The following PCK1 variants were observed in gnomAD, a reference collection of about 807,000 sequenced individuals.
The protein encoded by PCK1 is phosphoenolpyruvate carboxykinase 1.
In PCK1, 44 loss-of-function variants were observed where a neutral mutation model predicts 50.3. That is an observed-to-expected ratio of 0.87 (90% CI 0.69 to 1.12). The LOEUF is 1.12. Among genes scored for constraint, PCK1 ranks in the 50% most tolerant of loss-of-function variants. PCK1 has a pLI of 0.00. For missense variants in PCK1, 790 were observed against 815.0 expected, an observed-to-expected ratio of 0.97 and a Z score of 0.37; for synonymous variants, 332 against 314.3, an observed-to-expected ratio of 1.06 and a Z score of -0.59.
rs200050361 is a variant in PCK1, at chr20:57,563,557, C to T, written c.799-8C>T. The T allele has an allele frequency of 3.2e-6, 5 of 1,579,288 alleles. No individual in the cohort carries two copies. The East Asian group carries it at 1.1e-4, about 35-fold the overall frequency. ...AAAGATCACAATAAAGAATCTTGTC[C>T]CCAACAGATTCTGGGTATAACCAAC... On this transcript the variant is annotated splice_polypyrimidine_tract_variant and splice_region_variant and intron_variant, in intron 5 of 9. Transcript: ENST00000319441.
Position 57,564,506 on chromosome 20 carries a change from C to T in PCK1, c.1211C>T (p.Ser404Leu), listed in dbSNP as rs149472972. The T allele has an allele frequency of 6.0e-5, 97 of 1,614,054 alleles. No individual in the cohort carries two copies. The highest frequency in any genetic ancestry group is 1.1e-4 in the South Asian group (10 of 91,084). ...GGGGAACCTTGTGCCCACCCCAACT[C>T]GAGGTTCTGCACCCCTGCCAGCCAG... Reference protein sequence around the residue: ...EDGEPCAHPNSRFCTPASQCP... With the variant: ...EDGEPCAHPNLRFCTPASQCP... Residue 404 changes from serine to leucine, a missense_variant, in exon 8 of 10, where the codon TCG becomes TTG. Coordinates refer to ENST00000319441, the MANE Select transcript of PCK1 (RefSeq NM_002591.4).
rs764760276 is a variant in PCK1 at position 57,564,958 on chromosome 20, G to A, written c.1319-82G>A. The A allele has an allele frequency of 4.8e-4, 478 of 1,001,838 alleles. 1 individual carries two copies. The highest frequency in any genetic ancestry group is 6.9e-4 in the Non-Finnish European group (445 of 640,834). 62.1% of individuals were successfully genotyped at this position (1,001,838 alleles called of 1,614,324 possible). A position where few individuals can be genotyped will look rare whatever the true frequency, so the allele number is the denominator to read the frequency against. ...AGTTATTGTCTTGCCGTGTCTTTCC[G>A]TGTTGTGAATAACACCACTGGTTGT... is the stretch of plus-strand genomic sequence containing the variant. On this transcript the variant is annotated intron_variant, in intron 8 of 9. Coordinates refer to ENST00000319441, the MANE Select transcript of PCK1 (RefSeq NM_002591.4).
At chr20:57,565,225 G>C in intron 9 of PCK1, 90 bp downstream of exon 9, 1 of 1,286,334 alleles carries the variant, frequency 7.8e-7, no homozygotes, top group Non-Finnish European at 1.1e-6. Context: ...CTGTGTCTGT[G>C]TGTGGGGAGA....
chr20:57,561,774 C>G, intron 2 of PCK1, 139 bp downstream of exon 2: 1 of 647,140 alleles, frequency 1.5e-6, no homozygotes, highest in East Asian at 2.7e-5. Flanking sequence ...ATGGTCAGAA[C>G]CATACAGACT....
rs2070198370 is a variant in PCK1 at position 57,565,740 on chromosome 20, C to A, written c.1805C>A (p.Ala602Asp). Reference protein sequence around the residue: ...IEKYLEDQVNADLPCEIEREI... With the variant: ...IEKYLEDQVNDDLPCEIEREI... The stretch of plus-strand genomic sequence containing the variant: ...AAGTATCTGGAGGATCAAGTCAATG[C>A]CGACCTCCCCTGTGAAATCGAGAGA... The change falls in exon 10 of 10, where the codon GCC becomes GAC. Residue 602 changes from alanine to aspartate, a missense_variant. Transcript: ENST00000319441. 1.2e-6 allele frequency: 2 copies of A among 1,613,448 alleles called. No individual in the cohort carries two copies. The highest frequency in any genetic ancestry group is 1.7e-5 in the Admixed American group (1 of 59,998).
intron 6 of PCK1, 125 bp downstream of exon 6, chr20:57,563,852 C>A: frequency 1.3e-6 from 1 of 798,280 alleles, no homozygotes; most frequent in Non-Finnish European, 2.1e-6. Context: ...CAGAGTTGGC[C>A]AAGCCTTAGA....
In PCK1 at chr20:57,566,182, TGTG is replaced by T. The variant is rs2070203898; in HGVS notation, c.*379_*381del. On this transcript the variant is annotated 3_prime_UTR_variant, in exon 10 of 10. Coordinates refer to ENST00000319441, the MANE Select transcript of PCK1 (RefSeq NM_002591.4). The stretch of plus-strand genomic sequence containing the variant: ...ATATATGTGTGTGTGTGTGTGTGTG[TGTG>T]TGTGTGTGTGTGCATGTATGTGCAC... 1 of 192,500 alleles carries T rather than the reference TGTG, an allele frequency of 5.2e-6. No homozygotes were observed. Among genetic ancestry groups the T allele is most frequent in the African/African-American group, 2.3e-5 (1 of 42,618 alleles). 11.9% of individuals were successfully genotyped at this position (192,500 alleles called of 1,614,324 possible).
intron 5 of PCK1, 143 bp from the exon 6 acceptor site, chr20:57,563,422 G>A (rs2070171518): frequency 7.2e-6 from 5 of 697,526 alleles, no homozygotes; most frequent in Non-Finnish European, 1.2e-5. Flanking sequence ...AGATCCTTTG[G>A]ACTTCATGAT....
At chr20:57,561,928 T>C (rs1021324901) in intron 2 of PCK1, 143 bp from the exon 3 acceptor site, 2 of 668,520 alleles carry the variant, frequency 3.0e-6, no homozygotes, top group South Asian at 2.0e-5. Flanking sequence ...CACCTGGCCA[T>C]GTCTTAGATG....
At chr20:57,562,661 A>AC in intron 3 of PCK1, 35 bp from the exon 4 acceptor site, 1 of 1,579,166 alleles carries the variant, frequency 6.3e-7, no homozygotes, top group Non-Finnish European at 8.7e-7. Context: ...GTCCAAGGTC[A>AC]TTTCTCACCA....
At chr20:57,565,018 C>G (rs1354341162) in intron 8 of PCK1, 22 bp from the exon 9 acceptor site, 1 of 1,552,338 alleles carries the variant, frequency 6.4e-7, no homozygotes, top group South Asian at 1.1e-5. Flanking sequence ...ATGAACATTT[C>G]TCTTTTTTTT....
chr20:57,561,386 G>A lies in PCK1; in HGVS notation c.-26G>A, dbSNP rs750132658. 2.3e-5 allele frequency: 35 copies of A among 1,499,348 alleles called. No homozygotes were observed. In the East Asian group the frequency reaches 3.4e-4, roughly 15 times the overall value. 92.9% of individuals were successfully genotyped at this position (1,499,348 alleles called of 1,614,324 possible). ...TTCTATTTCAGGTGACCTCACATTC[G>A]TGCCCCTTAGCAGCACTCTGCAGAA... On this transcript the variant is annotated 5_prime_UTR_variant, in exon 2 of 10. The change creates a new upstream start codon in the 5' untranslated region. Transcript: ENST00000319441.
Position 57,561,513 on chromosome 20 carries a change from C to T in PCK1, c.102C>T (p.Asn34=), listed in dbSNP as rs200771350. 124 of 1,613,544 alleles carry T rather than the reference C, an allele frequency of 7.7e-5. No homozygotes were observed. The highest frequency in any genetic ancestry group is 1.6e-4 in the Middle Eastern group (1 of 6,084). Reference sequence around the variant, plus strand: ...CAGTGAGGGAGTTTCTCGAGAATAACGCTGAGCTGTGTCAGCCTGATCACA... The same window carrying T: ...CAGTGAGGGAGTTTCTCGAGAATAATGCTGAGCTGTGTCAGCCTGATCACA... ...PQAVREFLEN[N]AELCQPDHIH... Residue 34 remains asparagine (N), a synonymous_variant, in exon 2 of 10, where the codon AAC becomes AAT. Transcript: ENST00000319441.
chr20:57,564,683 T>C (rs878894733), intron 8 of PCK1, 70 bp downstream of exon 8: 1 of 1,364,182 alleles, frequency 7.3e-7, no homozygotes, highest in South Asian at 1.4e-5. Flanking sequence ...GTGAAATCTC[T>C]CCTTTTCCAT....
rs1042531 is a variant in PCK1, at chr20:57,565,924, T to G, written c.*120T>G. ...CACCATAATAATCATCACCACACCG[T>G]GAGCAGATCTGAAAGGCACACTTTG... On this transcript the variant is annotated 3_prime_UTR_variant, in exon 10 of 10. Transcript: ENST00000319441. 260,009 of 688,420 alleles carry G rather than the reference T, an allele frequency of 0.38. 53,196 individuals are homozygous for G. The highest frequency in any genetic ancestry group is 0.68 in the African/African-American group (38,024 of 55,514). The allele number at this position is 688,420 out of a possible 1,614,324, so 42.6% of individuals were successfully genotyped here.
chr20:57,565,867 G>T lies in PCK1; in HGVS notation c.*63G>T, dbSNP rs2070200322. The T allele has an allele frequency of 1.7e-6, 2 of 1,209,702 alleles. No individual in the cohort carries two copies. The highest frequency in any genetic ancestry group is 2.3e-6 in the Non-Finnish European group (2 of 869,890). The allele number at this position is 1,209,702 out of a possible 1,614,324, so 74.9% of individuals were successfully genotyped here. ...TTCCCATCCATAAGGTGCAGTAGGA[G>T]CAAGAGAGGGCAAGTGTTCCCAAAT... On this transcript the variant is annotated 3_prime_UTR_variant, in exon 10 of 10. Transcript: ENST00000319441.
Position 57,564,498 on chromosome 20 carries a change from C to A in PCK1, c.1203C>A (p.His401Gln). Residue 401 changes from histidine to glutamine, a missense_variant, in exon 8 of 10, where the codon CAC becomes CAA. By Grantham distance (24) the His-to-Gln change is conservative. Transcript: ENST00000319441. ...GTCTTATAGGGGAACCTTGTGCCCA[C>A]CCCAACTCGAGGTTCTGCACCCCTG... ...WSSEDGEPCA[H>Q]PNSRFCTPAS... 3 of 1,614,166 alleles carry A rather than the reference C, an allele frequency of 1.9e-6. No individual in the cohort carries two copies. Among genetic ancestry groups the A allele is most frequent in the Non-Finnish European group, 2.5e-6 (3 of 1,180,022 alleles).
intron 6 of PCK1, 193 bp from the exon 7 acceptor site, chr20:57,563,976 T>C (rs760674520): frequency 3.2e-6 from 2 of 615,912 alleles, no homozygotes; most frequent in Non-Finnish European, 5.7e-6. Context: ...TGGTGGAAAA[T>C]TGTGGAGGAA....
At position 57,562,149 on chromosome 20, in the gene PCK1, C is replaced by T. The variant is rs200307920; in HGVS notation, c.303C>T (p.Asp101=). The part of the protein sequence containing the change: ...KTVIVTQEQR[D]TVPIPKTGLS... ...TTATCGTCACCCAAGAGCAAAGAGA[C>T]ACAGTGCCCATCCCCAAAACAGGCC... The change falls in exon 3 of 10, where the codon GAC becomes GAT. Residue 101 remains aspartate (D), a synonymous_variant. Coordinates refer to ENST00000319441, the MANE Select transcript of PCK1 (RefSeq NM_002591.4). The T allele has an allele frequency of 9.9e-6, 16 of 1,614,030 alleles. No homozygotes were observed.
Sources: allele counts gnomAD v4.1 joint callset, GRCh38; gene constraint gnomAD v4.1.1; transcripts MANE v1.5; gene names NCBI Gene and HGNC (gene_info 2026-07-23, HGNC 2026-07-21).